Variants in XKR4 observed in about 807,000 individuals in gnomAD.
XKR4 encodes the protein XK-related protein 4.
Under a neutral mutation model 53.9 loss-of-function variants are expected in XKR4, and 12 were observed. The observed-to-expected ratio is 0.22, with a 90% confidence interval of 0.14 to 0.36. The LOEUF (loss-of-function observed/expected upper bound fraction) is 0.36, where lower values mean the gene tolerates loss of function less well. Among genes scored for constraint, XKR4 ranks in the 10% least tolerant of loss-of-function variants. The pLI, the probability that XKR4 is intolerant of heterozygous loss-of-function variation, is 1.00. For missense variants in XKR4, 799 were observed against 859.5 expected, an observed-to-expected ratio of 0.93 and a Z score of 0.88; for synonymous variants, 354 against 362.4, an observed-to-expected ratio of 0.98 and a Z score of 0.26.
intron 1 of XKR4, among the ~76,000 whole-genome samples, chr8:55,276,818 AT>A (rs894337390): frequency 6.6e-6 from 1 of 152,028 alleles, no homozygotes; most frequent in East Asian, 1.9e-4. Flanking sequence ...GGGCAATTTC[AT>A]TTTTTTTGCA....
At chr8:55,501,427 A>G (rs1263618622) in intron 2 of XKR4, among the ~76,000 whole-genome samples, 1 of 152,108 alleles carries the variant, frequency 6.6e-6, no homozygotes, top group South Asian at 2.1e-4. Context: ...CCAAACTGAA[A>G]TTCTGTACCC....
chr8:55,432,850 G>A (rs951535183), intron 2 of XKR4, among the ~76,000 whole-genome samples: 8 of 151,292 alleles, frequency 5.3e-5, no homozygotes, highest in Non-Finnish European at 7.4e-5. Context: ...GGAGAGGAAA[G>A]GAAAGGAAGA....
chr8:55,264,029 A>C (rs982510668), intron 1 of XKR4, among the ~76,000 whole-genome samples: 1 of 152,160 alleles, frequency 6.6e-6, no homozygotes, highest in African/African-American at 2.4e-5. Context: ...GAGGCACAGT[A>C]CTCCAAAGCA....
At position 55,421,889 on chromosome 8, in the gene XKR4, C is replaced by T. The variant is rs555996473; in HGVS notation, c.1006+64012C>T. On this transcript the variant is annotated intron_variant, in intron 2 of 2. Coordinates refer to ENST00000327381, the MANE Select transcript of XKR4 (RefSeq NM_052898.2). Reference sequence around the variant, plus strand: ...GCAAATGGTAGGGCTCAGAACAAAACGTCCTTGGTTCCAGCCCCACCTTTG... The same window carrying T: ...GCAAATGGTAGGGCTCAGAACAAAATGTCCTTGGTTCCAGCCCCACCTTTG... Among the ~76,000 whole-genome samples the T allele has an allele frequency of 1.3e-3, 197 of 152,316 alleles. 1 individual carries two copies. The highest frequency in any genetic ancestry group is 3.5e-3 in the Admixed American group (53 of 15,300).
chr8:55,209,779 C>G (rs1248912816), intron 1 of XKR4, among the ~76,000 whole-genome samples: 1 of 152,224 alleles, frequency 6.6e-6, no homozygotes, highest in Non-Finnish European at 1.5e-5. Flanking sequence ...ACATCCCATC[C>G]CTTTCCAGAG....
Position 55,358,144 on chromosome 8 carries a change from G to A in XKR4, c.1006+267G>A, listed in dbSNP as rs566799935. On this transcript the variant is annotated intron_variant, in intron 2 of 2. Transcript: ENST00000327381. Reference sequence around the variant, plus strand: ...ATGATTTTACACTTGGTCGATGTGGGGATAGAGTCAGTCAACTGAGGCTTT... The same window carrying A: ...ATGATTTTACACTTGGTCGATGTGGAGATAGAGTCAGTCAACTGAGGCTTT... Among the ~76,000 whole-genome samples the A allele has an allele frequency of 1.2e-4, 19 of 152,282 alleles. 1 individual carries two copies. In the South Asian group the frequency reaches 2.5e-3, roughly 20 times the overall value.
chr8:55,488,169 C>T (rs1464563919), intron 2 of XKR4, among the ~76,000 whole-genome samples: 1 of 152,196 alleles, frequency 6.6e-6, no homozygotes, highest in Non-Finnish European at 1.5e-5. Context: ...GTTACTCCTA[C>T]ACACCTATTA....
chr8:55,342,431 G>A (rs968696231), intron 1 of XKR4, among the ~76,000 whole-genome samples: 2 of 152,034 alleles, frequency 1.3e-5, no homozygotes, highest in African/African-American at 2.4e-5. Flanking sequence ...ATGAGATGTT[G>A]GCCTCACTGT....
chr8:55,463,092 C>T (rs1805689631), intron 2 of XKR4, among the ~76,000 whole-genome samples: 1 of 151,778 alleles, frequency 6.6e-6, no homozygotes, highest in East Asian at 1.9e-4. Context: ...TGAGGATATC[C>T]AGGAATTGAA....
chr8:55,154,714 TTAA>T (rs1816882816), intron 1 of XKR4, among the ~76,000 whole-genome samples: 1 of 152,152 alleles, frequency 6.6e-6, no homozygotes, highest in South Asian at 2.1e-4. Context: ...ACCCTGCACT[TTAA>T]TAGAGACAAG....
rs561285834 is a variant in XKR4 at position 55,226,983 on chromosome 8, C to T, written c.806+123689C>T. Among the ~76,000 whole-genome samples the T allele has an allele frequency of 4.6e-5, 7 of 152,316 alleles. No homozygotes were observed. The South Asian group carries it at 8.3e-4, about 18-fold the overall frequency. On this transcript the variant is annotated intron_variant, in intron 1 of 2. Coordinates refer to ENST00000327381, the MANE Select transcript of XKR4 (RefSeq NM_052898.2). ...CTGCTTCCCAAAAGGCACCCACAAC[C>T]TGGCTCACTCTTACTTACCTGTGTA...
intron 2 of XKR4, among the ~76,000 whole-genome samples, chr8:55,494,000 C>G (rs1806306301): frequency 6.6e-6 from 1 of 152,230 alleles, no homozygotes; most frequent in African/African-American, 2.4e-5. Context: ...GAGTTTTGCT[C>G]TGTCCCACTG....
rs1806995547 is a variant in XKR4, at chr8:55,534,273, G to A, written c.*10046G>A. The A allele has an allele frequency of 6.7e-6, 1 of 149,052 alleles. No individual in the cohort carries two copies. Among genetic ancestry groups the A allele is most frequent in the Non-Finnish European group, 1.5e-5 (1 of 67,524 alleles). 9.2% of individuals were successfully genotyped at this position (149,052 alleles called of 1,614,324 possible). ...GGTGACATTAGCAGTTCCAAACCGA[G>A]ATCCATTTCTATGTGGAATTGGCTA... is the stretch of plus-strand genomic sequence containing the variant. On this transcript the variant is annotated 3_prime_UTR_variant, in exon 3 of 3. Coordinates refer to ENST00000327381, the MANE Select transcript of XKR4 (RefSeq NM_052898.2).
At chr8:55,346,675 TG>T (rs1181145550) in intron 1 of XKR4, among the ~76,000 whole-genome samples, 1 of 128,510 alleles carries the variant, frequency 7.8e-6, no homozygotes, top group Non-Finnish European at 1.6e-5. Flanking sequence ...AACAGAAACC[TG>T]TTGAGGTTAT....
At chr8:55,107,537 C>G (rs1816167515) in intron 1 of XKR4, among the ~76,000 whole-genome samples, 1 of 152,124 alleles carries the variant, frequency 6.6e-6, no homozygotes, top group South Asian at 2.1e-4. Context: ...TTTGAACTCC[C>G]AGTTCATTGC....
chr8:55,454,472 A>T (rs1364889516), intron 2 of XKR4: 1 of 1,187,928 alleles, frequency 8.4e-7, no homozygotes, highest in Non-Finnish European at 1.2e-6. Context: ...CTCGTGCTCC[A>T]TGAGGGTGGC....
chr8:55,224,887 G>GT (rs1817932412), intron 1 of XKR4, among the ~76,000 whole-genome samples: 1 of 152,126 alleles, frequency 6.6e-6, no homozygotes, highest in Non-Finnish European at 1.5e-5. Flanking sequence ...GGCATTTACT[G>GT]TGCGTGATTT....
intron 1 of XKR4, among the ~76,000 whole-genome samples, chr8:55,247,776 T>C (rs2129369187): frequency 6.6e-6 from 1 of 152,220 alleles, no homozygotes; most frequent in South Asian, 2.1e-4. Flanking sequence ...AGAGCCCTAC[T>C]GGGCTACTCT....
Position 55,443,530 on chromosome 8 carries a change from TAAAA to T in XKR4, c.1007-79728_1007-79725del, listed in dbSNP as rs751152509. Among the ~76,000 whole-genome samples, 263 of 74,010 alleles carry T rather than the reference TAAAA, an allele frequency of 3.6e-3. 2 individuals are homozygous for T. In the East Asian group the frequency reaches 0.047, roughly 13 times the overall value. 48.6% of individuals were successfully genotyped at this position (74,010 alleles called of 152,430 possible). On this transcript the variant is annotated intron_variant, in intron 2 of 2. Coordinates refer to ENST00000327381, the MANE Select transcript of XKR4 (RefSeq NM_052898.2). ...TTTGTAGATTTATAATCAGTTACAT[TAAAA>T]AAAAAAAAAAAAAAAAAAAAAACAG...
Sources: gnomAD v4.1 joint callset for allele counts (sites outside exome capture counted in the v4.1 genomes callset) on GRCh38, gnomAD v4.1.1 for gene constraint, MANE v1.5 for transcripts, NCBI Gene and HGNC (gene_info 2026-07-23, HGNC 2026-07-21) for gene names.